XKR4: variants seen among roughly 807,000 people sequenced by gnomAD.
XKR4 encodes XK-related protein 4.
Under a neutral mutation model 53.9 loss-of-function variants are expected in XKR4, and 12 were observed. The observed-to-expected ratio is 0.22, with a 90% CI of 0.14 to 0.36. XKR4 has a LOEUF of 0.36. Among genes scored for constraint, XKR4 ranks in the 10% least tolerant of loss-of-function variants. XKR4 has a pLI of 1.00. For synonymous variants in XKR4, 354 were observed against 362.4 expected (o/e 0.98, Z 0.26); for missense variants, 799 against 859.5 (o/e 0.93, Z 0.88).
chr8:55,103,212 A>G lies in XKR4; in HGVS notation c.724A>G (p.Lys242Glu). 1 of 1,614,104 alleles carries G rather than the reference A, an allele frequency of 6.2e-7. No individual in the cohort carries two copies. Among genetic ancestry groups the G allele is most frequent in the East Asian group, 2.2e-5 (1 of 44,864 alleles). ...CAGCGGGGCTACCCGGGCCAGTGGC[A>G]AGCACAGGTCTGCGTCCTGCTCCTT... ...NSSGATRASG[K>E]HRSASCSFCI... Residue 242 changes from lysine to glutamate, a missense_variant, in exon 1 of 3, where the codon AAG (lysine) becomes GAG (glutamate). This residue lies in a region of XKR4 where 476 missense variants were observed against 505.4 expected (regional missense o/e 0.94). Coordinates refer to ENST00000327381, the MANE Select transcript of XKR4 (RefSeq NM_052898.2).
At chr8:55,408,516 G>C (rs953244428) in intron 2 of XKR4, among the ~76,000 whole-genome samples, 13 of 152,354 alleles carry the variant, frequency 8.5e-5, no homozygotes, top group African/African-American at 3.1e-4. Context: ...CCAGTGGGTG[G>C]TGCAGGCCCC....
chr8:55,190,695 G>A (rs1191307494), intron 1 of XKR4, among the ~76,000 whole-genome samples: 1 of 152,110 alleles, frequency 6.6e-6, no homozygotes, highest in Non-Finnish European at 1.5e-5. Flanking sequence ...GGTAACGTGT[G>A]GTATGCTGAA....
intron 2 of XKR4, among the ~76,000 whole-genome samples, chr8:55,379,552 A>G (rs1438042366): frequency 6.6e-6 from 1 of 152,242 alleles, no homozygotes; most frequent in African/African-American, 2.4e-5. Flanking sequence ...CTCAGAGCAC[A>G]GACATGAGAT....
Position 55,504,038 on chromosome 8 carries a change from G to A in XKR4, c.1007-19243G>A, listed in dbSNP as rs528420440. Among the ~76,000 whole-genome samples, 46 of 151,986 alleles carry A rather than the reference G, an allele frequency of 3.0e-4. No homozygotes were observed. In the South Asian group the frequency reaches 8.9e-3, roughly 29 times the overall value. The stretch of plus-strand genomic sequence containing the variant: ...AATTTTTATATCTTAAATCATCCTT[G>A]TATTTCAGGAATAAATCCTACTTGG... On this transcript the variant is annotated intron_variant, in intron 2 of 2. Transcript: ENST00000327381.
chr8:55,188,920 C>A (rs75874832), intron 1 of XKR4, among the ~76,000 whole-genome samples: 2 of 152,112 alleles, frequency 1.3e-5, no homozygotes, highest in African/African-American at 2.4e-5. Flanking sequence ...CAGTTAAAGT[C>A]GGTTATTATT....
At chr8:55,339,084 T>A (rs1022703357) in intron 1 of XKR4, among the ~76,000 whole-genome samples, 14 of 152,190 alleles carry the variant, frequency 9.2e-5, no homozygotes, top group African/African-American at 3.1e-4. Context: ...CTGACTCAAA[T>A]AAAATTTTAA....
intron 2 of XKR4, among the ~76,000 whole-genome samples, chr8:55,491,625 G>GGATT (rs1806273495): frequency 6.7e-6 from 1 of 149,776 alleles, no homozygotes; most frequent in African/African-American, 2.5e-5. Flanking sequence ...TGTCTTTGGG[G>GGATT]GTTTGTTTGT....
chr8:55,360,741 T>G (rs929234870), intron 2 of XKR4, among the ~76,000 whole-genome samples: 1 of 152,208 alleles, frequency 6.6e-6, no homozygotes, highest in Non-Finnish European at 1.5e-5. Context: ...GCAGTGCTTT[T>G]AAAAAATAAG....
At chr8:55,341,745 C>G (rs1857923) in intron 1 of XKR4, among the ~76,000 whole-genome samples, 30,269 of 152,170 alleles carry the variant, frequency 0.2, 3,645 homozygotes, top group Admixed American at 0.31. Flanking sequence ...AAACTCTTGG[C>G]CTTGGGAAGG....
intron 1 of XKR4, among the ~76,000 whole-genome samples, chr8:55,210,408 G>T (rs556142900): frequency 2.0e-5 from 3 of 152,094 alleles, no homozygotes; most frequent in African/African-American, 7.2e-5. Flanking sequence ...TTTAATTCTG[G>T]TCTTGTAATT....
intron 2 of XKR4, among the ~76,000 whole-genome samples, chr8:55,499,709 CGTCACACACT>C (rs1806407195): frequency 6.6e-6 from 1 of 152,140 alleles, no homozygotes; most frequent in Admixed American, 6.5e-5. Flanking sequence ...CAGAGAGAGC[CGTCACACACT>C]AATAATACTA....
intron 1 of XKR4, among the ~76,000 whole-genome samples, chr8:55,108,485 A>G (rs559626408): frequency 6.6e-5 from 10 of 152,276 alleles, no homozygotes; most frequent in Non-Finnish European, 1.5e-4. Context: ...ATGGAAATCT[A>G]TTGGCTTCAC....
At chr8:55,367,584 A>T (rs1804010320) in intron 2 of XKR4, among the ~76,000 whole-genome samples, 1 of 152,138 alleles carries the variant, frequency 6.6e-6, no homozygotes, top group Non-Finnish European at 1.5e-5. Context: ...ACCAATTTAT[A>T]TTCCTACCAG....
At chr8:55,223,683 G>A (rs1033881073) in intron 1 of XKR4, among the ~76,000 whole-genome samples, 5 of 152,148 alleles carry the variant, frequency 3.3e-5, no homozygotes, top group African/African-American at 1.2e-4. Flanking sequence ...ACAACTGCTT[G>A]AGTTGTTAGT....
chr8:55,449,371 A>G (rs1179569226), intron 2 of XKR4: 2 of 605,018 alleles, frequency 3.3e-6, no homozygotes, highest in Non-Finnish European at 6.0e-6. Context: ...CTAGGGCTGT[A>G]CACACAAGTG....
intron 1 of XKR4, among the ~76,000 whole-genome samples, chr8:55,256,387 A>G (rs1818439053): frequency 6.6e-6 from 1 of 152,232 alleles, no homozygotes; most frequent in South Asian, 2.1e-4. Flanking sequence ...TTTGAGAAAG[A>G]TGAGACTGGG....
At chr8:55,253,204 G>C (rs184355556) in intron 1 of XKR4, among the ~76,000 whole-genome samples, 1 of 151,892 alleles carries the variant, frequency 6.6e-6, no homozygotes, top group African/African-American at 2.4e-5. Flanking sequence ...TCCTTCCGAC[G>C]TAAATATTCT....
chr8:55,531,507 C>T lies in XKR4; in HGVS notation c.*7280C>T, dbSNP rs1412050861. 7.0e-6 allele frequency: 1 copy of T among 142,872 alleles called. No homozygotes were observed. Among genetic ancestry groups the T allele is most frequent in the African/African-American group, 2.6e-5 (1 of 39,086 alleles). 8.9% of individuals were successfully genotyped at this position (142,872 alleles called of 1,614,324 possible). A position where few individuals can be genotyped will look rare whatever the true frequency, so the allele number is the denominator to read the frequency against. Reference sequence around the variant, plus strand: ...TGAACATAAAGTAACAATACAAATACAAAAAAAAAACTAGATGACTGCTTA... The same window carrying T: ...TGAACATAAAGTAACAATACAAATATAAAAAAAAAACTAGATGACTGCTTA... On this transcript the variant is annotated 3_prime_UTR_variant, in exon 3 of 3. Transcript: ENST00000327381.
chr8:55,364,423 C>T (rs1292719298), intron 2 of XKR4, among the ~76,000 whole-genome samples: 1 of 152,230 alleles, frequency 6.6e-6, no homozygotes, highest in Non-Finnish European at 1.5e-5. Flanking sequence ...CCACGCCCTG[C>T]TCCTTCTGTA....
Sources: gnomAD v4.1 joint callset for allele counts (sites outside exome capture counted in the v4.1 genomes callset) on GRCh38, gnomAD v4.1.1 for gene constraint, gnomAD v4.1.1 regional missense constraint, MANE v1.5 for transcripts, NCBI Gene and HGNC (gene_info 2026-07-23, HGNC 2026-07-21) for gene names.